Variants in PCDH11X observed in about 807,000 individuals in gnomAD.
PCDH11X encodes the protein protocadherin-11 X-linked.
A neutral mutation model predicts 53.3 loss-of-function variants in PCDH11X; 18 were observed. That is an observed-to-expected ratio of 0.34 (90% CI 0.23 to 0.50). The LOEUF (loss-of-function observed/expected upper bound fraction) is 0.50, where lower values mean the gene tolerates loss of function less well. PCDH11X is among the 20% of genes least tolerant of loss of function. The probability of loss-of-function intolerance (pLI) is 0.98; values close to 1 mark genes in which losing one functional copy is unlikely to be tolerated. For missense variants in PCDH11X, 570 were observed against 1,032.4 expected (o/e 0.55, Z 6.14); for synonymous variants, 279 against 393.3 (o/e 0.71, Z 3.44).
chrX:91,803,498 T>A (rs897669530), intron 1 of PCDH11X, among the ~76,000 whole-genome samples: 4 of 111,497 alleles, frequency 3.6e-5, no homozygotes, highest in African/African-American at 1.3e-4. Context: ...ATAAACATAT[T>A]TTGTATTGTT....
chrX:91,785,335 G>A (rs1935299509), intron 1 of PCDH11X, among the ~76,000 whole-genome samples: 2 of 107,516 alleles, frequency 1.9e-5, no homozygotes, highest in African/African-American at 6.8e-5. Context: ...TTTAAAGCCT[G>A]TGTCAACGTG....
intron 8 of PCDH11X, among the ~76,000 whole-genome samples, chrX:92,383,325 T>TGG (rs1556401441): frequency 2.4e-5 from 2 of 81,890 alleles, no homozygotes; most frequent in Admixed American, 1.9e-4. Context: ...ATAAATGTTT[T>TGG]TTTTTTTTTT....
chrX:92,162,882 G>A (rs2148262188), intron 6 of PCDH11X, among the ~76,000 whole-genome samples: 1 of 108,429 alleles, frequency 9.2e-6, no homozygotes, highest in Non-Finnish European at 1.9e-5. Flanking sequence ...GTGGTGCACA[G>A]GGCCCTAGAA....
intron 6 of PCDH11X, among the ~76,000 whole-genome samples, chrX:91,918,267 G>A (rs2524615): frequency 1.8e-5 from 2 of 110,152 alleles, no homozygotes; most frequent in African/African-American, 3.3e-5. Flanking sequence ...CCTAGGCTAA[G>A]CTTCCTTTTT....
chrX:92,595,463 TTA>T (rs1925492956), intron 10 of PCDH11X, among the ~76,000 whole-genome samples: 1 of 103,076 alleles, frequency 9.7e-6, no homozygotes, highest in African/African-American at 3.5e-5. Context: ...CTTGCTGACT[TTA>T]TGCAAATACT....
At chrX:92,265,975 A>G (rs1231139553) in intron 8 of PCDH11X, among the ~76,000 whole-genome samples, 4 of 112,075 alleles carry the variant, frequency 3.6e-5, no homozygotes, top group African/African-American at 1.3e-4. Context: ...CTACAGACCC[A>G]TCATTAACTC....
chrX:92,077,450 A>T (rs1420382161), intron 6 of PCDH11X, among the ~76,000 whole-genome samples: 1 of 109,561 alleles, frequency 9.1e-6, no homozygotes, highest in African/African-American at 3.3e-5. Flanking sequence ...GTAGAATTAG[A>T]GTAGTCAACA....
chrX:92,553,658 G>T (rs1456309481), intron 10 of PCDH11X, among the ~76,000 whole-genome samples: 4 of 109,666 alleles, frequency 3.6e-5, no homozygotes, highest in African/African-American at 1.3e-4. Context: ...TCATTAGATT[G>T]TTTATTTGAA....
intron 9 of PCDH11X, among the ~76,000 whole-genome samples, chrX:92,400,241 C>T (rs1223078376): frequency 9.0e-6 from 1 of 111,565 alleles, no homozygotes; most frequent in Non-Finnish European, 1.9e-5. Context: ...GCTGCGCTGT[C>T]AACTAATCAA....
chrX:92,096,492 T>C (rs971107451), intron 6 of PCDH11X, among the ~76,000 whole-genome samples: 3 of 108,638 alleles, frequency 2.8e-5, no homozygotes. Context: ...CTGCTATATA[T>C]GAATATATAC....
chrX:92,249,855 C>T (rs1217427125), intron 7 of PCDH11X, among the ~76,000 whole-genome samples: 1 of 111,525 alleles, frequency 9.0e-6, no homozygotes, highest in African/African-American at 3.3e-5. Context: ...TTCAAGTAGA[C>T]TCAATCAAAT....
At chrX:92,146,778 C>T (rs2065273347) in intron 6 of PCDH11X, among the ~76,000 whole-genome samples, 1 of 110,920 alleles carries the variant, frequency 9.0e-6, no homozygotes, top group African/African-American at 3.3e-5. Flanking sequence ...GTGGGCAGAT[C>T]ACCTGAGGTC....
At chrX:92,556,366 C>A (rs886627361) in intron 10 of PCDH11X, among the ~76,000 whole-genome samples, 11 of 111,480 alleles carry the variant, frequency 9.9e-5, no homozygotes, top group African/African-American at 3.6e-4. Flanking sequence ...CCTGTAAAAT[C>A]AAAAGCAAGT....
At chrX:92,218,828 C>A (rs1202154308) in intron 7 of PCDH11X, among the ~76,000 whole-genome samples, 1 of 111,548 alleles carries the variant, frequency 9.0e-6, no homozygotes, top group Non-Finnish European at 1.9e-5. Context: ...TCCAGCAGCA[C>A]ATCAAAAAGC....
At chrX:91,826,249 C>T (rs181637447) in intron 4 of PCDH11X, among the ~76,000 whole-genome samples, 55 of 110,391 alleles carry the variant, frequency 5.0e-4, no homozygotes, top group African/African-American at 1.8e-3. Flanking sequence ...AAAAATTATA[C>T]AAACACTATC....
At chrX:92,605,428 C>A (rs1303081335) in intron 10 of PCDH11X, among the ~76,000 whole-genome samples, 1 of 111,289 alleles carries the variant, frequency 9.0e-6, no homozygotes, top group East Asian at 2.8e-4. Context: ...CTTACCACTT[C>A]TATTAAACAT....
intron 7 of PCDH11X, among the ~76,000 whole-genome samples, chrX:92,248,696 T>C (rs754079948): frequency 9.0e-6 from 1 of 111,305 alleles, no homozygotes; most frequent in African/African-American, 3.3e-5. Flanking sequence ...AATTTTATTT[T>C]ATTTTATTTA....
chrX:92,437,423 G>A (rs993778937), intron 9 of PCDH11X, among the ~76,000 whole-genome samples: 8 of 111,673 alleles, frequency 7.2e-5, no homozygotes, highest in Non-Finnish European at 1.3e-4. Context: ...ATTTTGAAAA[G>A]TCAGATACTG....
chrX:92,374,648 G>A (rs180985725), intron 8 of PCDH11X, among the ~76,000 whole-genome samples: 1 of 111,754 alleles, frequency 8.9e-6, no homozygotes, highest in East Asian at 2.8e-4. Flanking sequence ...TGATTCTTCT[G>A]CAACGTGAGC....
Sources: gnomAD v4.1 joint callset for allele counts (sites outside exome capture counted in the v4.1 genomes callset) on GRCh38, gnomAD v4.1.1 for gene constraint, MANE v1.5 for transcripts, NCBI Gene and HGNC (gene_info 2026-07-23, HGNC 2026-07-21) for gene names.